NEK5: variants seen among roughly 807,000 people sequenced by gnomAD.
The protein encoded by NEK5 is NIMA related kinase 5, also known as serine/threonine-protein kinase Nek5.
NEK5 carries 88 observed loss-of-function variants against 109.2 expected under a neutral mutation model. The observed-to-expected ratio is 0.81, with a 90% CI of 0.68 to 0.96. The LOEUF is 0.96. NEK5 is among the 40% of genes least tolerant of loss of function. The pLI, the probability that NEK5 is intolerant of heterozygous loss-of-function variation, is 0.00. For missense variants in NEK5, 834 were observed against 920.7 expected, an observed-to-expected ratio of 0.91 and a Z score of 1.22; for synonymous variants, 283 against 299.9, an observed-to-expected ratio of 0.94 and a Z score of 0.58.
chr13:52,126,461 C>T (rs559430196), intron 3 of NEK5, among the ~76,000 whole-genome samples: 1 of 152,256 alleles, frequency 6.6e-6, no homozygotes, highest in Admixed American at 6.5e-5. Context: ...AAAGTAATTG[C>T]AGAGCATTAT....
At chr13:52,057,491 A>T (rs1954570043) in intron 22 of NEK5, among the ~76,000 whole-genome samples, 1 of 152,128 alleles carries the variant, frequency 6.6e-6, no homozygotes, top group South Asian at 2.1e-4. Context: ...CAGAGACACA[A>T]CCACAAAAGA....
At chr13:52,076,435 T>A (rs1407838071) in intron 17 of NEK5, among the ~76,000 whole-genome samples, 1 of 152,144 alleles carries the variant, frequency 6.6e-6, no homozygotes, top group Non-Finnish European at 1.5e-5. Flanking sequence ...ATCTTTCCCT[T>A]AAGAGGCTTA....
intron 23 of NEK5, among the ~76,000 whole-genome samples, chr13:52,046,809 T>C (rs1954463637): frequency 6.6e-6 from 1 of 151,828 alleles, no homozygotes; most frequent in East Asian, 1.9e-4. Context: ...ATGGCACAAG[T>C]CACCATAAAC....
At chr13:52,124,835 G>T (rs1344538429) in intron 3 of NEK5, among the ~76,000 whole-genome samples, 2 of 152,172 alleles carry the variant, frequency 1.3e-5, no homozygotes, top group East Asian at 1.9e-4. Context: ...CTCTGTCCCA[G>T]TGAAGGTTTG....
chr13:52,065,285 G>T (rs1954668451), intron 21 of NEK5, 199 bp downstream of exon 21: 1 of 750,038 alleles, frequency 1.3e-6, no homozygotes. Context: ...TGCATGTCTA[G>T]AGTGGTCATT....
rs770144927 is a variant in NEK5 at position 52,093,139 on chromosome 13, G to A, written c.1123C>T (p.Pro375Ser). Residue 375 changes from proline (P) to serine (S), a missense_variant, in exon 13 of 24, where the codon CCA (proline) becomes TCA (serine). Coordinates refer to ENST00000684899, the MANE Select transcript of NEK5 (RefSeq NM_001365552.1). Reference sequence around the variant, plus strand: ...TCTTGAGGAATAGGGTGATAACTTGGTTTGTGGGCTCTCCTCCTCAGCATA... The same window carrying A: ...TCTTGAGGAATAGGGTGATAACTTGATTTGTGGGCTCTCCTCCTCAGCATA... ...LDMLRRRAHK[P>S]SYHPIPQENT... The A allele has an allele frequency of 6.2e-7, 1 of 1,613,178 alleles. No homozygotes were observed. Among genetic ancestry groups the A allele is most frequent in the East Asian group, 2.2e-5 (1 of 44,890 alleles).
chr13:52,095,777 C>CA (rs1190584794), intron 12 of NEK5, among the ~76,000 whole-genome samples: 1 of 152,132 alleles, frequency 6.6e-6, no homozygotes, highest in Non-Finnish European at 1.5e-5. Context: ...TATAGCTATT[C>CA]AGGAGGCTGA....
chr13:52,064,083 C>T (rs1954644438), intron 21 of NEK5, among the ~76,000 whole-genome samples: 1 of 145,672 alleles, frequency 6.9e-6, no homozygotes, highest in Admixed American at 6.7e-5. Flanking sequence ...CCAGCCACCC[C>T]ATCCGGGAGG....
intron 20 of NEK5, among the ~76,000 whole-genome samples, chr13:52,067,103 T>C (rs1013355089): frequency 1.5e-4 from 23 of 152,202 alleles, no homozygotes; most frequent in African/African-American, 5.3e-4. Flanking sequence ...TCATATTGTG[T>C]GAATGACTAT....
intron 11 of NEK5, 47 bp from the exon 12 acceptor site, chr13:52,099,923 A>G: frequency 1.5e-6 from 2 of 1,370,618 alleles, no homozygotes; most frequent in Non-Finnish European, 2.1e-6. Context: ...AAAATTGTAC[A>G]CCATTAATAC....
chr13:52,070,209 A>G (rs1954761883), intron 20 of NEK5, among the ~76,000 whole-genome samples: 1 of 152,176 alleles, frequency 6.6e-6, no homozygotes, highest in African/African-American at 2.4e-5. Context: ...TATGGATCCC[A>G]TTTTCCATGG....
At chr13:52,125,731 G>C (rs2138150584) in intron 3 of NEK5, among the ~76,000 whole-genome samples, 1 of 152,220 alleles carries the variant, frequency 6.6e-6, no homozygotes, top group East Asian at 1.9e-4. Context: ...AAGAAAATCA[G>C]AAAAGGACAC....
intron 20 of NEK5, 57 bp downstream of exon 20, chr13:52,071,887 A>C: frequency 1.3e-6 from 2 of 1,543,520 alleles, no homozygotes; most frequent in South Asian, 2.2e-5. Flanking sequence ...ACAGAGTTCA[A>C]AATGGGTTGC....
In NEK5 at chr13:52,037,243, A is replaced by C. The variant is rs1025699393; in HGVS notation, c.2229-25T>G. 7 of 961,482 alleles carry C rather than the reference A, an allele frequency of 7.3e-6. No individual in the cohort carries two copies. The African/African-American group carries it at 1.2e-4, about 17-fold the overall frequency. The allele number at this position is 961,482 out of a possible 1,614,324, so 59.6% of individuals were successfully genotyped here. A position where few individuals can be genotyped will look rare whatever the true frequency, so the allele number is the denominator to read the frequency against. The stretch of plus-strand genomic sequence containing the variant: ...TCTGAAATAATAAGCAGTAAAAATC[A>C]GCATTATGATATGAAAGTACTGAAG... On this transcript the variant is annotated intron_variant, in intron 23 of 23. Transcript: ENST00000684899.
chr13:52,127,510 A>T lies in NEK5; in HGVS notation c.-22-6T>A, dbSNP rs755128207. 1 of 1,161,782 alleles carries T rather than the reference A, an allele frequency of 8.6e-7. No individual in the cohort carries two copies. Among genetic ancestry groups the T allele is most frequent in the Non-Finnish European group, 1.3e-6 (1 of 771,430 alleles). The allele number at this position is 1,161,782 out of a possible 1,614,324, so 72.0% of individuals were successfully genotyped here. ...TCTCCAATGGGCTGAGTTTCCTGGA[A>T]TTAGAGTAATGTAAATTTATCACAC... On this transcript the variant is annotated splice_polypyrimidine_tract_variant and splice_region_variant and intron_variant, in intron 2 of 23. Coordinates refer to ENST00000684899, the MANE Select transcript of NEK5 (RefSeq NM_001365552.1).
intron 3 of NEK5, among the ~76,000 whole-genome samples, chr13:52,120,713 C>T (rs968531405): frequency 5.9e-5 from 9 of 152,008 alleles, no homozygotes; most frequent in African/African-American, 2.2e-4. Context: ...GAGTTCAAGA[C>T]CAGCCTGGCC....
At chr13:52,091,540 A>G (rs1323294798) in intron 13 of NEK5, among the ~76,000 whole-genome samples, 1 of 152,140 alleles carries the variant, frequency 6.6e-6, no homozygotes, top group Admixed American at 6.6e-5. Context: ...TGCTTATCTC[A>G]TTTTCACTAT....
chr13:52,037,829 A>C, intron 23 of NEK5, among the ~76,000 whole-genome samples: 1 of 152,140 alleles, frequency 6.6e-6, no homozygotes, highest in East Asian at 1.9e-4. Flanking sequence ...AGGCTGAGGC[A>C]GGAGAATGGC....
chr13:52,078,883 A>C (rs1384941274), intron 17 of NEK5, among the ~76,000 whole-genome samples: 1 of 152,220 alleles, frequency 6.6e-6, no homozygotes, highest in Non-Finnish European at 1.5e-5. Flanking sequence ...TTATTGTACA[A>C]TTGAGATGAC....
Sources: gnomAD v4.1 joint callset for allele counts (sites outside exome capture counted in the v4.1 genomes callset) on GRCh38, gnomAD v4.1.1 for gene constraint, MANE v1.5 for transcripts, NCBI Gene and HGNC (gene_info 2026-07-23, HGNC 2026-07-21) for gene names.